ARHGAP22: variants seen among roughly 807,000 people sequenced by gnomAD.
The protein encoded by ARHGAP22 is Rho GTPase activating protein 22, also known as rho GTPase-activating protein 22.
ARHGAP22 carries 48 observed loss-of-function variants against 59.1 expected under a neutral mutation model. That is an observed-to-expected ratio of 0.81 (90% confidence interval 0.64 to 1.03). The LOEUF is 1.03. Ranked by LOEUF, ARHGAP22 falls within the 50% of genes least tolerant of loss-of-function variation. The pLI is 0.00. For missense variants in ARHGAP22, 1,015 were observed against 958.7 expected, an observed-to-expected ratio of 1.06 and a Z score of -0.78; for synonymous variants, 445 against 416.4, an observed-to-expected ratio of 1.07 and a Z score of -0.84.
chr10:48,549,327 C>T (rs1189524964), intron 3 of ARHGAP22, among the ~76,000 whole-genome samples: 2 of 152,112 alleles, frequency 1.3e-5, no homozygotes, highest in Admixed American at 1.3e-4. Context: ...CTTGGTCCCT[C>T]CTGGTCACCT....
intron 3 of ARHGAP22, among the ~76,000 whole-genome samples, chr10:48,547,401 T>C (rs1341291268): frequency 6.6e-6 from 1 of 152,202 alleles, no homozygotes; most frequent in African/African-American, 2.4e-5. Flanking sequence ...CCATCTGGTG[T>C]TTGGGGAGTT....
At chr10:48,434,992 T>A in the ARHGAP22 span, 1 of 1,598,376 alleles carries the variant, frequency 6.3e-7, no homozygotes, top group Non-Finnish European at 8.5e-7. Flanking sequence ...GACAGCAGTC[T>A]AGAAGCAGCA....
chr10:48,554,486 C>T (rs1178387193), intron 3 of ARHGAP22, among the ~76,000 whole-genome samples: 1 of 152,238 alleles, frequency 6.6e-6, no homozygotes, highest in Non-Finnish European at 1.5e-5. Context: ...TCAGCTGACA[C>T]TCTTGGTACC....
intron 3 of ARHGAP22, among the ~76,000 whole-genome samples, chr10:48,534,750 A>G (rs933405582): frequency 7.2e-5 from 11 of 152,222 alleles, no homozygotes; most frequent in African/African-American, 2.7e-4. Flanking sequence ...CCAAATAGTA[A>G]GCGGAAAAGT....
intron 3 of ARHGAP22, among the ~76,000 whole-genome samples, chr10:48,490,058 G>A (rs1442928726): frequency 6.6e-6 from 1 of 152,078 alleles, no homozygotes; most frequent in Admixed American, 6.6e-5. Context: ...ACAGTGCTTA[G>A]GGTCCAACGT....
intron 3 of ARHGAP22, among the ~76,000 whole-genome samples, chr10:48,523,862 G>C (rs1045061325): frequency 6.6e-6 from 1 of 151,960 alleles, no homozygotes; most frequent in Non-Finnish European, 1.5e-5. Context: ...GCGCCCCCGC[G>C]CCCCGAGTGA....
chr10:48,523,212 AAC>A (rs1413926762), intron 3 of ARHGAP22, among the ~76,000 whole-genome samples: 6 of 152,212 alleles, frequency 3.9e-5, no homozygotes, highest in African/African-American at 9.6e-5. Flanking sequence ...GAACTCCTTA[AAC>A]ACACAGTTTC....
chr10:48,589,219 C>T (rs927858195), intron 1 of ARHGAP22, among the ~76,000 whole-genome samples: 6 of 152,162 alleles, frequency 3.9e-5, no homozygotes, highest in Non-Finnish European at 7.3e-5. Context: ...TCCTCCGATG[C>T]CCTGTGGTGG....
At chr10:48,639,584 G>A (rs149854981) in intron 1 of ARHGAP22, among the ~76,000 whole-genome samples, 274 of 152,266 alleles carry the variant, frequency 1.8e-3, no homozygotes, top group African/African-American at 6.2e-3. Flanking sequence ...AGAAACAAGA[G>A]TGACCCCTAG....
intron 1 of ARHGAP22, among the ~76,000 whole-genome samples, chr10:48,620,267 GT>G (rs35815837): frequency 3.3e-5 from 4 of 119,788 alleles, no homozygotes; most frequent in Non-Finnish European, 5.6e-5. Flanking sequence ...ACTTGTACAT[GT>G]TTTTTTTTTT....
In ARHGAP22 at chr10:48,604,777, C is replaced by T. The variant is rs756336708; in HGVS notation, c.20G>A (p.Arg7Lys). MLSPKI[R>K]QARRARSKSL... Reference sequence around the variant, plus strand: ...GTTGGACTTACCCCTCCTGGCCTGCCTGATCTTTGGGCTCAGCATGTTCTT... The same window carrying T: ...GTTGGACTTACCCCTCCTGGCCTGCTTGATCTTTGGGCTCAGCATGTTCTT... Residue 7 changes from arginine to lysine, a missense_variant, in exon 1 of 10, where the codon AGG becomes AAG. Arg to Lys is a conservative substitution (Grantham distance 26, BLOSUM62 2). Coordinates refer to ENST00000249601, the MANE Select transcript of ARHGAP22 (RefSeq NM_021226.4). 37 of 1,614,130 alleles carry T rather than the reference C, an allele frequency of 2.3e-5. No homozygotes were observed. The highest frequency in any genetic ancestry group is 2.9e-5 in the Non-Finnish European group (34 of 1,180,048).
At chr10:48,516,023 C>A (rs900916010) in intron 3 of ARHGAP22, among the ~76,000 whole-genome samples, 5 of 141,734 alleles carry the variant, frequency 3.5e-5, no homozygotes, top group South Asian at 2.2e-4. Context: ...CAAAAAAAAA[C>A]AAAACAAAAA....
chr10:48,570,639 T>G (rs1407377796), intron 2 of ARHGAP22, among the ~76,000 whole-genome samples: 3 of 152,202 alleles, frequency 2.0e-5, no homozygotes, highest in Non-Finnish European at 4.4e-5. Context: ...TGTTCTTTTG[T>G]GGACAGAGAC....
chr10:48,596,528 C>G (rs535894183), intron 1 of ARHGAP22, among the ~76,000 whole-genome samples: 1 of 152,116 alleles, frequency 6.6e-6, no homozygotes, highest in African/African-American at 2.4e-5. Context: ...GTGCCCAGCA[C>G]GGGAACAGGA....
At chr10:48,444,733 C>T (rs958474587), downstream of ARHGAP22, 3 of 152,262 alleles carry the variant, frequency 2.0e-5, no homozygotes, top group Non-Finnish European at 4.4e-5. Context: ...TCAGGACGCA[C>T]TGCTGTTCCC....
At chr10:48,533,830 A>C (rs1044724993) in intron 3 of ARHGAP22, among the ~76,000 whole-genome samples, 24 of 152,388 alleles carry the variant, frequency 1.6e-4, no homozygotes, top group African/African-American at 5.0e-4. Context: ...TCTGGGAAGT[A>C]ATTTCCTCTT....
intron 1 of ARHGAP22, among the ~76,000 whole-genome samples, chr10:48,601,780 T>C (rs2060398123): frequency 6.6e-6 from 1 of 152,260 alleles, no homozygotes; most frequent in South Asian, 2.1e-4. Context: ...TTGTTTTTTA[T>C]TTGCTTAGTT....
At chr10:48,650,065 G>T (rs1180348479) in intron 1 of ARHGAP22, among the ~76,000 whole-genome samples, 1 of 150,068 alleles carries the variant, frequency 6.7e-6, no homozygotes, top group African/African-American at 2.4e-5. Flanking sequence ...CAGGTGGAGA[G>T]AAGAAAGATA....
In ARHGAP22 at chr10:48,450,797, C is replaced by A. The variant is rs1312815847; in HGVS notation, c.1332G>T (p.Gly444=). The change falls in exon 9 of 10, where the codon GGG becomes GGT. Residue 444 remains glycine, a synonymous_variant. Transcript: ENST00000249601. ...QPRSLSGSPK[G]GGSSLEVPII... ...TGGGCACCTCCAGGGATGAGCCGCC[C>A]CCCTTCGGGCTTCCCGATAGGGACC... 1 of 1,572,892 alleles carries A rather than the reference C, an allele frequency of 6.4e-7. No individual in the cohort carries two copies. The highest frequency in any genetic ancestry group is 8.6e-7 in the Non-Finnish European group (1 of 1,160,020).
Sources: allele counts gnomAD v4.1 joint callset (sites outside exome capture counted in the v4.1 genomes callset), GRCh38; gene constraint gnomAD v4.1.1; transcripts MANE v1.5; gene names NCBI Gene and HGNC (gene_info 2026-07-23, HGNC 2026-07-21).